Variants in SEPTIN9 observed in about 807,000 individuals in gnomAD.
The protein encoded by SEPTIN9 is septin 9, also known as septin-9.
Under a neutral mutation model 56.6 loss-of-function variants are expected in SEPTIN9, and 13 were observed. That is an observed-to-expected ratio of 0.23 (90% CI 0.15 to 0.37). The LOEUF is 0.37. Among genes scored for constraint, SEPTIN9 ranks in the 10% least tolerant of loss-of-function variants. The pLI, the probability that SEPTIN9 is intolerant of heterozygous loss-of-function variation, is 1.00. For missense variants in SEPTIN9, 650 were observed against 823.1 expected (o/e 0.79, Z 2.57); for synonymous variants, 332 against 334.1 (o/e 0.99, Z 0.07).
chr17:77,306,759 G>A (rs1184819930), intron 1 of SEPTIN9, among the ~76,000 whole-genome samples: 3 of 152,364 alleles, frequency 2.0e-5, no homozygotes, highest in African/African-American at 7.2e-5. Context: ...GCAGAGACAC[G>A]CTTGGGTGCA....
At chr17:77,498,027 G>A (rs1317525083) in intron 11 of SEPTIN9, among the ~76,000 whole-genome samples, 3 of 152,076 alleles carry the variant, frequency 2.0e-5, no homozygotes, top group Non-Finnish European at 4.4e-5. Flanking sequence ...AGCTGCAGAG[G>A]AATGAAAATC....
intron 2 of SEPTIN9, among the ~76,000 whole-genome samples, chr17:77,399,783 G>A (rs1598311830): frequency 6.6e-6 from 1 of 152,122 alleles, no homozygotes; most frequent in East Asian, 1.9e-4. Flanking sequence ...TCAGAACACA[G>A]CCAGCAGTTT....
At chr17:77,293,120 G>T (rs759776718) in intron 1 of SEPTIN9, among the ~76,000 whole-genome samples, 1 of 151,864 alleles carries the variant, frequency 6.6e-6, no homozygotes, top group African/African-American at 2.4e-5. Context: ...GAGCTCAAGC[G>T]ATCCTCCCTT....
At position 77,445,348 on chromosome 17, in the gene SEPTIN9, G is replaced by A. The variant is rs1459280160; in HGVS notation, c.722-36796G>A. The A allele has an allele frequency of 4.3e-6, 2 of 464,532 alleles. No individual in the cohort carries two copies. The highest frequency in any genetic ancestry group is 4.7e-5 in the Admixed American group (2 of 42,580). 28.8% of individuals were successfully genotyped at this position (464,532 alleles called of 1,614,324 possible). A position where few individuals can be genotyped will look rare whatever the true frequency, so the allele number is the denominator to read the frequency against. On this transcript the variant is annotated intron_variant, in intron 3 of 11. Coordinates refer to ENST00000427177, the MANE Select transcript of SEPTIN9 (RefSeq NM_001113491.2). This position sits in a 1 kb window ranked among gnomAD's most constrained non-coding sequence, Gnocchi z 4.7. The stretch of plus-strand genomic sequence containing the variant: ...AGGATAGGGAGGGATATTGCTCTTG[G>A]CATTTGATGGGAAGCATCTGCTGCA...
chr17:77,401,811 C>T (rs1258364820), intron 2 of SEPTIN9, among the ~76,000 whole-genome samples: 1 of 152,106 alleles, frequency 6.6e-6, no homozygotes, highest in African/African-American at 2.4e-5. Flanking sequence ...TGGTTTGCGC[C>T]GTGGCCATGG....
At chr17:77,430,641 T>C (rs190544042) in intron 3 of SEPTIN9, among the ~76,000 whole-genome samples, 227 of 152,244 alleles carry the variant, frequency 1.5e-3, no homozygotes, top group African/African-American at 5.1e-3. Context: ...GGCTGACAGC[T>C]CACTGGAACT....
chr17:77,479,423 C>G (rs570897038), intron 3 of SEPTIN9, among the ~76,000 whole-genome samples: 2 of 152,332 alleles, frequency 1.3e-5, no homozygotes, highest in South Asian at 4.1e-4. Flanking sequence ...TTGCATTGCT[C>G]TCTGCGTGCG....
rs9916669 is a variant in SEPTIN9, at chr17:77,443,545, C to A, written c.722-38599C>A. On this transcript the variant is annotated intron_variant, in intron 3 of 11. Transcript: ENST00000427177. Reference sequence around the variant, plus strand: ...CAGTGACTCACGCCTATAATCCCAGCACTTTGAGAGGCTGAGGTCGGCGGA... The same window carrying A: ...CAGTGACTCACGCCTATAATCCCAGAACTTTGAGAGGCTGAGGTCGGCGGA... Among the ~76,000 whole-genome samples the A allele has an allele frequency of 5.6e-3, 852 of 152,230 alleles. 7 individuals carry two copies. The highest frequency in any genetic ancestry group is 0.018 in the African/African-American group (740 of 41,512).
At chr17:77,284,617 G>GT (rs2031193075) in intron 1 of SEPTIN9, among the ~76,000 whole-genome samples, 1 of 152,042 alleles carries the variant, frequency 6.6e-6, no homozygotes, top group Admixed American at 6.5e-5. Context: ...TGTGTGTGGT[G>GT]TTTTTTAATT....
At chr17:77,320,150 T>A in intron 2 of SEPTIN9, 2 of 1,508,968 alleles carry the variant, frequency 1.3e-6, no homozygotes, top group Non-Finnish European at 1.8e-6. Flanking sequence ...ATGTGGTAAT[T>A]CGGATGCATT....
intron 1 of SEPTIN9, chr17:77,295,004 C>T (rs914865908): frequency 3.9e-5 from 6 of 152,136 alleles, no homozygotes; most frequent in African/African-American, 1.2e-4. Flanking sequence ...AAATATAACC[C>T]GACCAAAGCC....
In SEPTIN9 at chr17:77,327,889, G is replaced by T. The variant is rs191886770; in HGVS notation, c.76+20692G>T. 6.6e-6 allele frequency among the ~76,000 whole-genome samples: 1 copy of T among 152,244 alleles called. No individual in the cohort carries two copies. Among genetic ancestry groups the T allele is most frequent in the South Asian group, 2.1e-4 (1 of 4,836 alleles). ...TGCTGGAACAGACGGGTGTGATGGG[G>T]CTGCGGGGTTTCAGGTGGCAGGAGG... On this transcript the variant is annotated intron_variant, in intron 2 of 11. Coordinates refer to ENST00000427177, the MANE Select transcript of SEPTIN9 (RefSeq NM_001113491.2). The surrounding 1 kb of genome is among the most constrained non-coding windows in gnomAD (Gnocchi z 5.0).
intron 2 of SEPTIN9, among the ~76,000 whole-genome samples, chr17:77,390,223 C>A (rs1343803248): frequency 6.6e-6 from 1 of 151,258 alleles, no homozygotes; most frequent in East Asian, 2.0e-4. Flanking sequence ...GGCAGGCGCC[C>A]GTAGTCCCAG....
At chr17:77,393,242 A>G (rs776347270) in intron 2 of SEPTIN9, among the ~76,000 whole-genome samples, 2 of 152,140 alleles carry the variant, frequency 1.3e-5, no homozygotes, top group Non-Finnish European at 2.9e-5. Flanking sequence ...GCATGGGGAG[A>G]CTGCAGACCG....
intron 2 of SEPTIN9, chr17:77,380,050 C>G (rs978094610): frequency 1.3e-5 from 2 of 157,660 alleles, no homozygotes; most frequent in Non-Finnish European, 2.8e-5. Flanking sequence ...CAGTTGGCCC[C>G]TAGACACCCC....
At chr17:77,410,253 T>A (rs2144144401) in intron 3 of SEPTIN9, among the ~76,000 whole-genome samples, 1 of 152,278 alleles carries the variant, frequency 6.6e-6, no homozygotes, top group East Asian at 1.9e-4. Context: ...CTGCTGCTAC[T>A]GGGTGTACTC....
intron 3 of SEPTIN9, among the ~76,000 whole-genome samples, chr17:77,413,079 G>A (rs59167913): frequency 0.046 from 6,586 of 141,830 alleles, 415 homozygotes; most frequent in African/African-American, 0.15. Flanking sequence ...GGTCTGGAGC[G>A]GGTGGGGCGT....
At chr17:77,497,126 C>T (rs1329944980) in intron 10 of SEPTIN9, 189 bp from the exon 11 acceptor site, 2 of 669,276 alleles carry the variant, frequency 3.0e-6, no homozygotes, top group African/African-American at 3.7e-5. Flanking sequence ...CCAGTATCCC[C>T]CAGACTGAGG....
At chr17:77,343,747 A>G (rs2033807700) in intron 2 of SEPTIN9, among the ~76,000 whole-genome samples, 1 of 152,196 alleles carries the variant, frequency 6.6e-6, no homozygotes, top group Admixed American at 6.5e-5. Context: ...CAGGACACCC[A>G]GTTGGGGACT....
Sources: allele counts gnomAD v4.1 joint callset (sites outside exome capture counted in the v4.1 genomes callset), GRCh38; gene constraint gnomAD v4.1.1; non-coding constraint Gnocchi (gnomAD v3.1); transcripts MANE v1.5; gene names NCBI Gene and HGNC (gene_info 2026-07-23, HGNC 2026-07-21).